The following NCK2 variants were observed in gnomAD, a reference collection of about 807,000 sequenced individuals.
NCK2 encodes NCK adaptor protein 2.
In NCK2, 16 loss-of-function variants were observed where a neutral mutation model predicts 33.9. The observed-to-expected ratio is 0.47, with a 90% CI of 0.32 to 0.72. The LOEUF (loss-of-function observed/expected upper bound fraction) is 0.72. Among genes scored for constraint, NCK2 ranks in the 30% least tolerant of loss-of-function variants. The probability of loss-of-function intolerance (pLI) is 0.03; values close to 1 mark genes in which losing one functional copy is unlikely to be tolerated. For missense variants in NCK2, 418 were observed against 537.3 expected (o/e 0.78, Z 2.19); for synonymous variants, 273 against 239.9 (o/e 1.14, Z -1.27).
At chr2:105,889,470 A>T (rs959761079) in intron 4 of NCK2, among the ~76,000 whole-genome samples, 1 of 152,072 alleles carries the variant, frequency 6.6e-6, no homozygotes, top group African/African-American at 2.4e-5. Flanking sequence ...TGAAGGGCTT[A>T]TTAAAACACA....
intron 1 of NCK2, among the ~76,000 whole-genome samples, chr2:105,755,003 C>T (rs993860815): frequency 2.0e-5 from 3 of 152,068 alleles, no homozygotes; most frequent in Admixed American, 1.3e-4. Context: ...CCCCTCACCC[C>T]GTCTCTCCCG....
At chr2:105,818,983 G>A (rs545605073) in intron 2 of NCK2, among the ~76,000 whole-genome samples, 1 of 152,180 alleles carries the variant, frequency 6.6e-6, no homozygotes, top group South Asian at 2.1e-4. Flanking sequence ...ATGCAATAAG[G>A]ATAGGATTAA....
intron 2 of NCK2, among the ~76,000 whole-genome samples, chr2:105,834,175 A>C (rs950199488): frequency 1.3e-5 from 2 of 152,198 alleles, no homozygotes; most frequent in Non-Finnish European, 2.9e-5. Context: ...AGTGCAGTTT[A>C]AGTCTGATGC....
intron 3 of NCK2, among the ~76,000 whole-genome samples, chr2:105,877,393 A>C (rs1215712974): frequency 2.6e-5 from 4 of 152,170 alleles, no homozygotes; most frequent in Non-Finnish European, 5.9e-5. Flanking sequence ...AGGGAGGAGA[A>C]GGGACCTGCT....
intron 3 of NCK2, among the ~76,000 whole-genome samples, chr2:105,856,519 T>C (rs1677277533): frequency 6.6e-6 from 1 of 152,372 alleles, no homozygotes; most frequent in East Asian, 1.9e-4. Flanking sequence ...GTAGGAAAAC[T>C]GAAAGTAAAA....
At chr2:105,825,117 C>G (rs1409704505) in intron 2 of NCK2, among the ~76,000 whole-genome samples, 1 of 152,122 alleles carries the variant, frequency 6.6e-6, no homozygotes, top group East Asian at 1.9e-4. Context: ...TCCCTCCAGG[C>G]TTTGGAGCTC....
intron 2 of NCK2, among the ~76,000 whole-genome samples, chr2:105,822,030 T>G (rs1388748760): frequency 6.6e-6 from 1 of 151,918 alleles, no homozygotes; most frequent in East Asian, 2.0e-4. Flanking sequence ...TTAAATGACT[T>G]GGCCGGGGCT....
At chr2:105,767,431 A>G (rs1689986000) in intron 1 of NCK2, among the ~76,000 whole-genome samples, 1 of 152,196 alleles carries the variant, frequency 6.6e-6, no homozygotes, top group African/African-American at 2.4e-5. Flanking sequence ...TGGTGCACTG[A>G]TGATACAGTA....
chr2:105,800,026 A>G (rs73949308), intron 1 of NCK2, among the ~76,000 whole-genome samples: 4,567 of 152,302 alleles, frequency 0.03, 97 homozygotes, highest in African/African-American at 0.043. Context: ...TGGAAACACC[A>G]TCTTTGTTCA....
chr2:105,841,462 C>T (rs1676642227), intron 2 of NCK2, among the ~76,000 whole-genome samples: 1 of 152,136 alleles, frequency 6.6e-6, no homozygotes. Flanking sequence ...GGGCACGGAG[C>T]TTCCATGCCT....
intron 1 of NCK2, among the ~76,000 whole-genome samples, chr2:105,765,639 AACAG>A (rs1374679061): frequency 1.3e-5 from 2 of 150,876 alleles, no homozygotes; most frequent in Non-Finnish European, 3.0e-5. Context: ...CGCTGGCTAA[AACAG>A]AGACAGAGGT....
intron 1 of NCK2, among the ~76,000 whole-genome samples, chr2:105,811,267 T>A (rs1675285680): frequency 6.6e-6 from 1 of 152,152 alleles, no homozygotes; most frequent in East Asian, 1.9e-4. Flanking sequence ...CATTCCCATA[T>A]GTCCCAAAGA....
At chr2:105,771,048 G>T (rs879534125) in intron 1 of NCK2, among the ~76,000 whole-genome samples, 1 of 151,850 alleles carries the variant, frequency 6.6e-6, no homozygotes, top group Non-Finnish European at 1.5e-5. Flanking sequence ...TCAGCCTCCC[G>T]AGTAGCTGGG....
chr2:105,873,574 C>T (rs1194206218), intron 3 of NCK2, among the ~76,000 whole-genome samples: 1 of 152,128 alleles, frequency 6.6e-6, no homozygotes, highest in Admixed American at 6.5e-5. Context: ...CCATATTTAC[C>T]ACGTTTTCAG....
intron 1 of NCK2, among the ~76,000 whole-genome samples, chr2:105,748,665 G>A (rs975621605): frequency 1.3e-5 from 2 of 152,066 alleles, no homozygotes; most frequent in Non-Finnish European, 2.9e-5. Flanking sequence ...TGAGCCTCCT[G>A]CCTTGACCTC....
At chr2:105,828,066 G>C (rs913901390) in intron 2 of NCK2, among the ~76,000 whole-genome samples, 3 of 152,150 alleles carry the variant, frequency 2.0e-5, no homozygotes, top group Admixed American at 2.0e-4. Context: ...AATTTCCTGT[G>C]AACCTATACT....
intron 1 of NCK2, among the ~76,000 whole-genome samples, chr2:105,771,987 TGTC>T (rs1275711096): frequency 5.9e-5 from 9 of 152,178 alleles, no homozygotes; most frequent in African/African-American, 1.9e-4. Flanking sequence ...AATTGGATAT[TGTC>T]GTCAAAGTGT....
intron 1 of NCK2, among the ~76,000 whole-genome samples, chr2:105,750,035 CAA>C (rs1491327386): frequency 8.3e-6 from 1 of 120,410 alleles, no homozygotes; most frequent in Non-Finnish European, 1.7e-5. Flanking sequence ...CAAAAGCAAA[CAA>C]ACACACACAC....
At chr2:105,774,164 A>G (rs772081026) in intron 1 of NCK2, among the ~76,000 whole-genome samples, 1 of 151,882 alleles carries the variant, frequency 6.6e-6, no homozygotes, top group Non-Finnish European at 1.5e-5. Flanking sequence ...ACGTGCCACC[A>G]CACCCAGCTA....
Sources: gnomAD v4.1 joint callset for allele counts (sites outside exome capture counted in the v4.1 genomes callset) on GRCh38, gnomAD v4.1.1 for gene constraint, MANE v1.5 for transcripts, NCBI Gene and HGNC (gene_info 2026-07-23, HGNC 2026-07-21) for gene names.